The following KLHL3 variants were observed in gnomAD, a reference collection of about 807,000 sequenced individuals.
KLHL3 encodes the protein kelch like family member 3.
KLHL3 carries 19 observed loss-of-function variants against 70.5 expected under a neutral mutation model. That is an observed-to-expected ratio of 0.27 (90% CI 0.19 to 0.40). The LOEUF is 0.40. Ranked by LOEUF, KLHL3 falls within the 10% of genes least tolerant of loss-of-function variation. The probability of loss-of-function intolerance (pLI) is 1.00; values close to 1 mark genes in which losing one functional copy is unlikely to be tolerated. For missense variants in KLHL3, 512 were observed against 771.1 expected, an observed-to-expected ratio of 0.66 and a Z score of 3.98; for synonymous variants, 258 against 290.3, an observed-to-expected ratio of 0.89 and a Z score of 1.13.
chr5:137,691,265 A>T (rs991226191), intron 5 of KLHL3, among the ~76,000 whole-genome samples: 6 of 152,010 alleles, frequency 3.9e-5, no homozygotes, highest in Non-Finnish European at 7.3e-5. Flanking sequence ...TTTCTGATTT[A>T]AAAAAACACT....
chr5:137,700,191 C>G (rs1196403575), intron 3 of KLHL3, among the ~76,000 whole-genome samples: 1 of 152,224 alleles, frequency 6.6e-6, no homozygotes, highest in Non-Finnish European at 1.5e-5. Context: ...TCCACAATCT[C>G]TCTCTTGAGT....
intron 2 of KLHL3, among the ~76,000 whole-genome samples, chr5:137,713,153 CAAAA>C (rs958291877): frequency 2.6e-5 from 1 of 38,438 alleles, no homozygotes; most frequent in African/African-American, 1.0e-4. Context: ...GAATAACCAG[CAAAA>C]AAAAAAAAAA....
chr5:137,640,426 G>A (rs1246583300), intron 8 of KLHL3, among the ~76,000 whole-genome samples: 1 of 152,198 alleles, frequency 6.6e-6, no homozygotes, highest in Non-Finnish European at 1.5e-5. Context: ...ATGCACTGCA[G>A]TATAGAAAAA....
intron 5 of KLHL3, 37 bp downstream of exon 5, chr5:137,692,248 A>G: frequency 6.3e-7 from 1 of 1,586,860 alleles, no homozygotes; most frequent in Non-Finnish European, 8.6e-7. Flanking sequence ...TAGATCCACA[A>G]ACTCGGAGGA....
rs1322339489 is a variant in KLHL3 at position 137,617,501 on chromosome 5, TCACA to T, written c.*4593_*4596del. On this transcript the variant is annotated 3_prime_UTR_variant, in exon 15 of 15. Transcript: ENST00000309755. ...ATAGAAATGAAATACTGAGAAAAGT[TCACA>T]CAGTTCAGCTTTTATTAAAATTAAA... 1 of 152,224 alleles carries T rather than the reference TCACA, an allele frequency of 6.6e-6. No homozygotes were observed. Among genetic ancestry groups the T allele is most frequent in the East Asian group, 1.9e-4 (1 of 5,202 alleles). The allele number at this position is 152,224 out of a possible 1,614,324, so 9.4% of individuals were successfully genotyped here.
At chr5:137,631,089 A>AAAAAAG (rs1554090059) in intron 12 of KLHL3, among the ~76,000 whole-genome samples, 3 of 141,906 alleles carry the variant, frequency 2.1e-5, no homozygotes, top group African/African-American at 8.6e-5. Flanking sequence ...AAAAAAAAAA[A>AAAAAAG]AGAGAGAGAG....
intron 1 of KLHL3, among the ~76,000 whole-genome samples, chr5:137,734,318 T>C (rs1252948838): frequency 1.3e-5 from 2 of 152,186 alleles, no homozygotes; most frequent in Non-Finnish European, 2.9e-5. Flanking sequence ...CATATTCTGC[T>C]GCTCAGCAGG....
chr5:137,705,926 G>T, intron 3 of KLHL3: 1 of 685,100 alleles, frequency 1.5e-6, no homozygotes, highest in Non-Finnish European at 1.8e-6. Context: ...GCAGAACACA[G>T]CACTACTGGC....
chr5:137,674,657 A>G (rs1028032790), intron 6 of KLHL3, among the ~76,000 whole-genome samples: 1 of 152,220 alleles, frequency 6.6e-6, no homozygotes, highest in Non-Finnish European at 1.5e-5. Flanking sequence ...AACACCAGTT[A>G]CTTGATTACC....
chr5:137,665,315 T>C (rs149568069), intron 6 of KLHL3, among the ~76,000 whole-genome samples: 65 of 152,264 alleles, frequency 4.3e-4, no homozygotes, highest in African/African-American at 1.5e-3. Flanking sequence ...AATATGACTA[T>C]CCACTATATG....
intron 12 of KLHL3, among the ~76,000 whole-genome samples, chr5:137,633,783 T>A (rs1451512824): frequency 2.0e-5 from 3 of 152,124 alleles, no homozygotes; most frequent in Admixed American, 6.5e-5. Flanking sequence ...GACATAAAGA[T>A]GAGAACAATA....
rs761799038 is a variant in KLHL3 at position 137,662,051 on chromosome 5, G to A, written c.637-20C>T. The A allele has an allele frequency of 4.7e-6, 6 of 1,269,044 alleles. No individual in the cohort carries two copies. Among genetic ancestry groups the A allele is most frequent in the Admixed American group, 1.8e-5 (1 of 56,240 alleles). The allele number at this position is 1,269,044 out of a possible 1,614,324, so 78.6% of individuals were successfully genotyped here. On this transcript the variant is annotated intron_variant, in intron 6 of 14. Coordinates refer to ENST00000309755, the MANE Select transcript of KLHL3 (RefSeq NM_017415.3). ...AAACACCTATAAAGAAAAGCAACATGGGCAACTTCAGTAAAGAGACAAAAG... is the reference window on the plus strand; with the variant it reads ...AAACACCTATAAAGAAAAGCAACATAGGCAACTTCAGTAAAGAGACAAAAG...
rs180694955 is a variant in KLHL3 at position 137,689,658 on chromosome 5, C to T, written c.526+2627G>A. Among the ~76,000 whole-genome samples the T allele has an allele frequency of 1.3e-3, 192 of 152,288 alleles. 4 individuals carry two copies. Among genetic ancestry groups the T allele is most frequent in the Non-Finnish European group, 3.5e-4 (24 of 68,030 alleles). ...GACATAAAGATGGGAAAAACAGACA[C>T]TGGGGACTCCAAAGGGAGTGGGGGC... On this transcript the variant is annotated intron_variant, in intron 5 of 14. Transcript: ENST00000309755.
intron 6 of KLHL3, among the ~76,000 whole-genome samples, 198 bp from the exon 7 acceptor site, chr5:137,662,229 C>T (rs1456099444): frequency 2.8e-5 from 4 of 141,960 alleles, no homozygotes; most frequent in Non-Finnish European, 6.0e-5. Flanking sequence ...AGAGTGATCA[C>T]ACACACACTC....
chr5:137,681,394 T>A (rs1042269072), intron 5 of KLHL3, among the ~76,000 whole-genome samples: 1 of 152,132 alleles, frequency 6.6e-6, no homozygotes, highest in Non-Finnish European at 1.5e-5. Context: ...CATCCCAAAG[T>A]CCACCTCTCA....
chr5:137,658,084 C>A, intron 8 of KLHL3, 47 bp downstream of exon 8: 2 of 1,558,466 alleles, frequency 1.3e-6, no homozygotes, highest in Non-Finnish European at 1.7e-6. Flanking sequence ...AGGCCACTTT[C>A]CCAGGGCACA....
rs535226285 is a variant in KLHL3 at position 137,665,740 on chromosome 5, AT to A, written c.637-3710del. On this transcript the variant is annotated intron_variant, in intron 6 of 14. Transcript: ENST00000309755. ...CTCCAATTTTTCTTAACCTAAGTAC[AT>A]TTTTTTTGTGCAAATATGTTAATGT... Among the ~76,000 whole-genome samples, 17 of 152,014 alleles carry A rather than the reference AT, an allele frequency of 1.1e-4. No individual in the cohort carries two copies. The East Asian group carries it at 2.1e-3, about 19-fold the overall frequency.
chr5:137,731,248 T>C (rs1753168755), intron 1 of KLHL3, among the ~76,000 whole-genome samples: 1 of 152,246 alleles, frequency 6.6e-6, no homozygotes, highest in Non-Finnish European at 1.5e-5. Flanking sequence ...CAAAAAGTAT[T>C]TCCAAAATGG....
chr5:137,717,094 C>T (rs1524781), intron 2 of KLHL3, among the ~76,000 whole-genome samples: 2,030 of 152,334 alleles, frequency 0.013, 45 homozygotes, highest in African/African-American at 0.046. Flanking sequence ...CCTATCTCTG[C>T]CAGGGCAGTG....
Sources: allele counts gnomAD v4.1 joint callset (sites outside exome capture counted in the v4.1 genomes callset), GRCh38; gene constraint gnomAD v4.1.1; transcripts MANE v1.5; gene names NCBI Gene and HGNC (gene_info 2026-07-23, HGNC 2026-07-21).